The following CNIH3 variants were observed in gnomAD, a reference collection of about 807,000 sequenced individuals.
The protein encoded by CNIH3 is protein cornichon homolog 3.
In CNIH3, 14 loss-of-function variants were observed where a neutral mutation model predicts 24.1. That is an observed-to-expected ratio of 0.58 (90% CI 0.38 to 0.91). The LOEUF is 0.91. CNIH3 is among the 40% of genes least tolerant of loss of function. CNIH3 has a pLI of 0.00. For synonymous variants in CNIH3, 68 were observed against 73.8 expected, an observed-to-expected ratio of 0.92 and a Z score of 0.40; for missense variants, 178 against 196.8, an observed-to-expected ratio of 0.90 and a Z score of 0.57.
downstream of CNIH3, among the ~76,000 whole-genome samples, chr1:224,589,112 C>A (rs1037268994): frequency 2.0e-5 from 3 of 151,898 alleles, no homozygotes; most frequent in African/African-American, 7.3e-5. Flanking sequence ...AGAAAACCTG[C>A]AATGCGCGAG....
At chr1:224,612,642 A>G (rs143731082), upstream of CNIH3, among the ~76,000 whole-genome samples, 1 of 152,362 alleles carries the variant, frequency 6.6e-6, no homozygotes, top group Non-Finnish European at 1.5e-5. This position sits in a 1 kb window ranked among gnomAD's most constrained non-coding sequence, Gnocchi z 4.7. Flanking sequence ...TCCCCTAGAT[A>G]CCTGGCAAAA....
intron 3 of CNIH3, among the ~76,000 whole-genome samples, chr1:224,718,325 C>T (rs561141163): frequency 3.2e-4 from 49 of 152,210 alleles, no homozygotes; most frequent in African/African-American, 1.1e-3. Context: ...CTACAGCATG[C>T]GCTAAGCCTC....
At chr1:224,466,746 C>T (rs1340423943) in intron 1 of CNIH3, among the ~76,000 whole-genome samples, 1 of 152,210 alleles carries the variant, frequency 6.6e-6, no homozygotes, top group African/African-American at 2.4e-5. Context: ...CCAGTTTTTC[C>T]CATATCCTTG....
chr1:224,526,389 T>C (rs1678848037), intron 2 of CNIH3, among the ~76,000 whole-genome samples: 3 of 152,156 alleles, frequency 2.0e-5, no homozygotes, highest in Admixed American at 2.0e-4. Context: ...GGGAGCTTTT[T>C]TCCCCCTTTG....
rs532097606 is a variant in CNIH3, at chr1:224,492,587, CATT to C, written n.204-23150_204-23148del. 1.8e-4 allele frequency among the ~76,000 whole-genome samples: 27 copies of C among 152,268 alleles called. No individual in the cohort carries two copies. The South Asian group carries it at 4.4e-3, about 25-fold the overall frequency. ...AATCTATTAATATATTCTACATAATCATTATTGTTTGAAGTTTTTCCTTTCAAT... is the reference window on the plus strand; with the variant it reads ...AATCTATTAATATATTCTACATAATCATTGTTTGAAGTTTTTCCTTTCAAT... On this transcript the variant is annotated intron_variant and non_coding_transcript_variant, in intron 1 of 5. Coordinates refer to the CNIH3 transcript ENST00000471578.
chr1:224,581,658 T>A (rs1223218658), intron 4 of CNIH3, among the ~76,000 whole-genome samples: 1 of 152,214 alleles, frequency 6.6e-6, no homozygotes, highest in Non-Finnish European at 1.5e-5. Flanking sequence ...GTTGGCATCA[T>A]GAGAGAAAAA....
intron 1 of CNIH3, among the ~76,000 whole-genome samples, chr1:224,678,621 G>C (rs970724214): frequency 6.6e-6 from 1 of 152,062 alleles, no homozygotes; most frequent in African/African-American, 2.4e-5. Context: ...ACTTAAAGGG[G>C]TTCTTTGTGG....
chr1:224,540,693 T>A (rs1051792379), downstream of CNIH3, among the ~76,000 whole-genome samples: 2 of 152,144 alleles, frequency 1.3e-5, no homozygotes, highest in Non-Finnish European at 2.9e-5. Flanking sequence ...GAATTTGTAA[T>A]GACAGCTTAA....
chr1:224,601,939 T>A (rs527980290), intron 3 of CNIH3, among the ~76,000 whole-genome samples: 30 of 152,384 alleles, frequency 2.0e-4, no homozygotes, highest in African/African-American at 7.2e-4. Flanking sequence ...TGCCAAACTT[T>A]CTGTGTAGCA....
chr1:224,602,893 A>G (rs1403386606), intron 3 of CNIH3, among the ~76,000 whole-genome samples: 1 of 152,246 alleles, frequency 6.6e-6, no homozygotes, highest in East Asian at 1.9e-4. Context: ...TTGGGCCCGT[A>G]AAGGTCTACA....
At chr1:224,454,100 T>C (rs1467672938) in intron 1 of CNIH3, among the ~76,000 whole-genome samples, 2 of 152,182 alleles carry the variant, frequency 1.3e-5, no homozygotes, top group Non-Finnish European at 2.9e-5. Context: ...ACAGCAAAAC[T>C]GCTTGAAGAA....
chr1:224,515,593 C>T (rs1678348610), upstream of CNIH3: 1 of 152,208 alleles, frequency 6.6e-6, no homozygotes, highest in African/African-American at 2.4e-5. Context: ...TCAGGTCTGC[C>T]TCTTTCTTGC....
At chr1:224,607,053 G>T (rs2125047297) in intron 3 of CNIH3, among the ~76,000 whole-genome samples, 1 of 152,340 alleles carries the variant, frequency 6.6e-6, no homozygotes, top group South Asian at 2.1e-4. Flanking sequence ...ACATGTGAAT[G>T]TGTGCTAAGC....
intron 1 of CNIH3, among the ~76,000 whole-genome samples, chr1:224,475,680 G>A (rs1676561129): frequency 6.6e-6 from 1 of 152,130 alleles, no homozygotes; most frequent in African/African-American, 2.4e-5. Context: ...TACCAACCCT[G>A]CTCAAATGAT....
intron 3 of CNIH3, among the ~76,000 whole-genome samples, chr1:224,599,897 T>G (rs1222606960): frequency 6.6e-6 from 1 of 152,208 alleles, no homozygotes; most frequent in African/African-American, 2.4e-5. Context: ...ATAAAATTTC[T>G]AAACTCTCTT....
chr1:224,660,651 C>A (rs12041370), intron 1 of CNIH3, among the ~76,000 whole-genome samples: 7 of 151,998 alleles, frequency 4.6e-5, no homozygotes, highest in Non-Finnish European at 8.8e-5. Context: ...CAAGACCTAC[C>A]AAATTGCCAG....
intron 1 of CNIH3, among the ~76,000 whole-genome samples, chr1:224,441,368 T>C (rs1674905769): frequency 6.6e-6 from 1 of 152,322 alleles, no homozygotes; most frequent in East Asian, 1.9e-4. Flanking sequence ...CACTGCCATC[T>C]CTGCACACAC....
intron 4 of CNIH3, among the ~76,000 whole-genome samples, chr1:224,569,804 A>G (rs79713260): frequency 2.0e-5 from 3 of 150,982 alleles, no homozygotes; most frequent in Non-Finnish European, 4.4e-5. Context: ...TTTTTTTTTT[A>G]GACAGAGTCT....
intron 1 of CNIH3, chr1:224,434,890 C>T (rs901354478): frequency 1.0e-6 from 1 of 985,556 alleles, no homozygotes; most frequent in Non-Finnish European, 1.2e-6. Flanking sequence ...GGCCTGTCAC[C>T]CAGCACGTGC....
Sources: gnomAD v4.1 joint callset for allele counts (sites outside exome capture counted in the v4.1 genomes callset) on GRCh38, gnomAD v4.1.1 for gene constraint, Gnocchi (gnomAD v3.1) non-coding constraint, MANE v1.5 for transcripts, NCBI Gene and HGNC (gene_info 2026-07-23, HGNC 2026-07-21) for gene names.